GNAS: variants seen among roughly 807,000 people sequenced by gnomAD.
GNAS encodes the protein protein ALEX.
A neutral mutation model predicts 54.5 loss-of-function variants in GNAS; 8 were observed. The observed-to-expected ratio is 0.15, with a 90% CI of 0.09 to 0.26. The LOEUF is 0.26. Among genes scored for constraint, GNAS ranks in the 10% least tolerant of loss-of-function variants. The pLI is 1.00. For synonymous variants in GNAS, 204 were observed against 191.4 expected (o/e 1.07, Z -0.54); for missense variants, 170 against 529.8 (o/e 0.32, Z 6.67).
intron 2 of GNAS, among the ~76,000 whole-genome samples, chr20:58,896,743 T>C (rs2090101943): frequency 6.6e-6 from 1 of 152,182 alleles, no homozygotes; most frequent in Admixed American, 6.5e-5. Context: ...AGTTTGTAAT[T>C]ACTAGCTGGT....
intron 1 of GNAS, among the ~76,000 whole-genome samples, chr20:58,846,496 C>T (rs897795521): frequency 6.6e-6 from 1 of 152,206 alleles, no homozygotes; most frequent in Non-Finnish European, 1.5e-5. Flanking sequence ...CATACAAGTA[C>T]TTCAATTGCT....
chr20:58,865,157 C>T (rs1168408081), intron 1 of GNAS, among the ~76,000 whole-genome samples: 1 of 152,036 alleles, frequency 6.6e-6, no homozygotes, highest in Non-Finnish European at 1.5e-5. Context: ...GTGGCTCACG[C>T]CTGTAATCCT....
At chr20:58,854,557 C>T in intron 1 of GNAS, 2 of 1,566,032 alleles carry the variant, frequency 1.3e-6, no homozygotes, top group Non-Finnish European at 1.7e-6. Context: ...GATCCCGACT[C>T]CGGGGCAGCC....
Position 58,910,246 on chromosome 20 carries a change from T to C in GNAS, c.971-88T>C. 1 of 1,288,282 alleles carries C rather than the reference T, an allele frequency of 7.8e-7. No individual in the cohort carries two copies. Among genetic ancestry groups the C allele is most frequent in the Non-Finnish European group, 1.1e-6 (1 of 882,414 alleles). 79.8% of individuals were successfully genotyped at this position (1,288,282 alleles called of 1,614,324 possible). On this transcript the variant is annotated intron_variant, in intron 11 of 12. Transcript: ENST00000371085. This position sits in a 1 kb window ranked among gnomAD's most constrained non-coding sequence, Gnocchi z 5.8. Reference sequence around the variant, plus strand: ...ATTCTCATATGGAAAAATCAGGGTTTTGAAGACTTCAGGAGCTACAGAGAT... The same window carrying C: ...ATTCTCATATGGAAAAATCAGGGTTCTGAAGACTTCAGGAGCTACAGAGAT...
intron 6 of GNAS, among the ~76,000 whole-genome samples, chr20:58,907,597 G>A (rs1169245633): frequency 6.6e-6 from 1 of 152,116 alleles, no homozygotes; most frequent in East Asian, 1.9e-4. Context: ...GAATTTTGTC[G>A]GGTTTCGTTT....
chr20:58,854,547 G>A, intron 1 of GNAS: 2 of 1,574,812 alleles, frequency 1.3e-6, no homozygotes, highest in South Asian at 1.1e-5. Flanking sequence ...ATTCGCAGCC[G>A]ATCCCGACTC....
In GNAS at chr20:58,903,744, G is replaced by C. The variant is rs2146184187; in HGVS notation, c.385G>C (p.Asp129His). 6.2e-7 allele frequency: 1 copy of C among 1,612,922 alleles called. No individual in the cohort carries two copies. The highest frequency in any genetic ancestry group is 8.5e-7 in the Non-Finnish European group (1 of 1,179,024). Residue 129 changes from aspartate to histidine, a missense_variant, in exon 5 of 13, where the codon GAC becomes CAC. Physicochemically the swap from Asp to His is moderately conservative, Grantham distance 81 (BLOSUM62 -1). Transcript: ENST00000371085. The part of the protein sequence containing the change: ...LANPENQFRV[D>H]YILSVMNVPD... ...CAACCCCGAGAACCAGTTCAGAGTGGACTACATCCTGAGTGTGATGAACGT... is the reference window on the plus strand; with the variant it reads ...CAACCCCGAGAACCAGTTCAGAGTGCACTACATCCTGAGTGTGATGAACGT...
At chr20:58,895,198 A>G (rs940253418) in intron 1 of GNAS, 1 of 269,400 alleles carries the variant, frequency 3.7e-6, no homozygotes, top group African/African-American at 2.3e-5. Flanking sequence ...ACAACAAATT[A>G]TGTGTCTAGA....
At chr20:58,839,883 T>G (rs1010160378), upstream of GNAS, 1 of 599,462 alleles carries the variant, frequency 1.7e-6, no homozygotes, top group Non-Finnish European at 3.0e-6. Flanking sequence ...TCCCTTCTTC[T>G]TGCTCAGAGA....
chr20:58,891,883 G>C lies in GNAS; in HGVS notation c.139+18G>C, dbSNP rs374672530. 13 of 1,148,156 alleles carry C rather than the reference G, an allele frequency of 1.1e-5. No individual in the cohort carries two copies. Among genetic ancestry groups the C allele is most frequent in the Admixed American group, 7.8e-5 (3 of 38,342 alleles). 71.1% of individuals were successfully genotyped at this position (1,148,156 alleles called of 1,614,324 possible). A position where few individuals can be genotyped will look rare whatever the true frequency, so the allele number is the denominator to read the frequency against. On this transcript the variant is annotated intron_variant, in intron 1 of 12. Coordinates refer to ENST00000371085, the MANE Select transcript of GNAS (RefSeq NM_000516.7). ...GCTGCTGGGTAAGGGCGGGCGGGGGGCGCCGGCCCCGGCCCGGGGGCCCTC... is the reference window on the plus strand; with the variant it reads ...GCTGCTGGGTAAGGGCGGGCGGGGGCCGCCGGCCCCGGCCCGGGGGCCCTC...
chr20:58,910,488 T>G lies in GNAS; in HGVS notation c.1038+87T>G. The G allele has an allele frequency of 5.0e-6, 6 of 1,203,038 alleles. No homozygotes were observed. The South Asian group carries it at 7.3e-5, about 15-fold the overall frequency. The allele number at this position is 1,203,038 out of a possible 1,614,324, so 74.5% of individuals were successfully genotyped here. On this transcript the variant is annotated intron_variant, in intron 12 of 12. Transcript: ENST00000371085. The surrounding 1 kb of genome is among the most constrained non-coding windows in gnomAD (Gnocchi z 5.8). ...TTTACTTAATTCCAAATTCAGGGGT[T>G]CAGCTACCCAGTTCCATGGTTTTAG...
chr20:58,889,174 A>G (rs1231124809), upstream of GNAS: 4 of 1,215,038 alleles, frequency 3.3e-6, no homozygotes, highest in African/African-American at 6.5e-5. Flanking sequence ...CCCGGCGGGG[A>G]CACTCAGTCG....
chr20:58,896,849 A>G (rs2090114518), intron 2 of GNAS, among the ~76,000 whole-genome samples: 1 of 152,130 alleles, frequency 6.6e-6, no homozygotes, highest in South Asian at 2.1e-4. Flanking sequence ...GTTGGAGTCA[A>G]GGTGGTAGCG....
chr20:58,847,462 G>T (rs564759755), intron 1 of GNAS, among the ~76,000 whole-genome samples: 1 of 152,328 alleles, frequency 6.6e-6, no homozygotes, highest in African/African-American at 2.4e-5. Context: ...GTAATTAATT[G>T]TACAGCTTCA....
upstream of GNAS, among the ~76,000 whole-genome samples, chr20:58,887,139 G>A (rs2088645959): frequency 6.6e-6 from 1 of 152,196 alleles, no homozygotes. Flanking sequence ...TTCCAAATAA[G>A]GAGGCTCTTC....
At chr20:58,903,651 G>T in intron 4 of GNAS, 21 bp from the exon 5 acceptor site, 1 of 1,614,034 alleles carries the variant, frequency 6.2e-7, no homozygotes, top group Non-Finnish European at 8.5e-7. Context: ...TTCCCTGACC[G>T]CTTTGCTAAA....
chr20:58,871,613 G>GAAAAA (rs757702769), intron 1 of GNAS, among the ~76,000 whole-genome samples: 2 of 32,728 alleles, frequency 6.1e-5, no homozygotes, highest in African/African-American at 2.0e-4. Flanking sequence ...ATACTCCGTC[G>GAAAAA]AAAAAAAAAA....
At chr20:58,900,922 C>T (rs916650063) in intron 3 of GNAS, among the ~76,000 whole-genome samples, 1 of 152,156 alleles carries the variant, frequency 6.6e-6, no homozygotes, top group Non-Finnish European at 1.5e-5. Context: ...TATTCACATA[C>T]GTAGATGAAT....
intron 1 of GNAS, chr20:58,854,551 C>G: frequency 6.4e-7 from 1 of 1,572,312 alleles, no homozygotes; most frequent in Non-Finnish European, 8.6e-7. Flanking sequence ...GCAGCCGATC[C>G]CGACTCCGGG....
Sources: allele counts gnomAD v4.1 joint callset (sites outside exome capture counted in the v4.1 genomes callset), GRCh38; gene constraint gnomAD v4.1.1; non-coding constraint Gnocchi (gnomAD v3.1); transcripts MANE v1.5; gene names NCBI Gene and HGNC (gene_info 2026-07-23, HGNC 2026-07-21).